The following HERC3 variants were observed in gnomAD, a reference collection of about 807,000 sequenced individuals.
The protein encoded by HERC3 is probable E3 ubiquitin-protein ligase HERC3.
HERC3 carries 58 observed loss-of-function variants against 129.9 expected under a neutral mutation model. The ratio of observed to expected loss-of-function variants is 0.45; its 90% CI spans 0.36 to 0.56. HERC3 has a LOEUF of 0.56. Ranked by LOEUF, HERC3 falls within the 20% of genes least tolerant of loss-of-function variation. The pLI, the probability that HERC3 is intolerant of heterozygous loss-of-function variation, is 0.00. For synonymous variants in HERC3, 430 were observed against 451.0 expected (o/e 0.95, Z 0.59); for missense variants, 835 against 1,244.2 (o/e 0.67, Z 4.95).
At chr4:88,681,922 A>G (rs1047757851) in intron 21 of HERC3, among the ~76,000 whole-genome samples, 1 of 152,228 alleles carries the variant, frequency 6.6e-6, no homozygotes, top group Non-Finnish European at 1.5e-5. Flanking sequence ...TCTTCTATCA[A>G]AATGTAATTT....
chr4:88,640,661 A>G (rs1297152025), intron 3 of HERC3, among the ~76,000 whole-genome samples: 1 of 151,898 alleles, frequency 6.6e-6, no homozygotes, highest in East Asian at 2.0e-4. Context: ...GGTGCAGCAA[A>G]CCACCATGGC....
At chr4:88,702,442 A>G (rs1411066904) in intron 23 of HERC3, among the ~76,000 whole-genome samples, 1 of 152,238 alleles carries the variant, frequency 6.6e-6, no homozygotes, top group Non-Finnish European at 1.5e-5. Flanking sequence ...GCATTGTTTT[A>G]AGTGTTAAAA....
intron 23 of HERC3, 137 bp from the exon 24 acceptor site, chr4:88,703,961 G>A (rs1407984371): frequency 1.3e-6 from 1 of 742,380 alleles, no homozygotes; most frequent in Non-Finnish European, 2.3e-6. Flanking sequence ...TAACCTATAT[G>A]ATGCCTTAGG....
chr4:88,525,250 G>A, the HERC3 span, among the ~76,000 whole-genome samples: 2 of 152,270 alleles, frequency 1.3e-5, no homozygotes, highest in East Asian at 3.9e-4. Flanking sequence ...AGAGAATAGG[G>A]CAGTTATCGG....
At chr4:88,587,636 T>A (rs1403906850), upstream of HERC3, among the ~76,000 whole-genome samples, 1 of 152,246 alleles carries the variant, frequency 6.6e-6, no homozygotes, top group Non-Finnish European at 1.5e-5. Flanking sequence ...TTCTAGGAAA[T>A]AACAAAATTC....
intron 14 of HERC3, among the ~76,000 whole-genome samples, 186 bp downstream of exon 14, chr4:88,668,267 A>G (rs536057781): frequency 3.3e-5 from 5 of 152,282 alleles, no homozygotes; most frequent in African/African-American, 1.2e-4. Flanking sequence ...AAATAAAACC[A>G]TTATTTAGAT....
rs1212220157 is a variant in HERC3, at chr4:88,707,112, G to T, written c.*152G>T. 2 of 664,762 alleles carry T rather than the reference G, an allele frequency of 3.0e-6. No individual in the cohort carries two copies. Among genetic ancestry groups the T allele is most frequent in the Admixed American group, 2.9e-5 (1 of 34,134 alleles). The allele number at this position is 664,762 out of a possible 1,614,324, so 41.2% of individuals were successfully genotyped here. A position where few individuals can be genotyped will look rare whatever the true frequency, so the allele number is the denominator to read the frequency against. On this transcript the variant is annotated 3_prime_UTR_variant, in exon 26 of 26. Coordinates refer to ENST00000402738, the MANE Select transcript of HERC3 (RefSeq NM_014606.3). ...GCCTGGTTGATGTGTTTCTGGGATT[G>T]TATAGCAGTAAACAACCTTTTTGAA...
At chr4:88,536,811 A>G in the HERC3 span, among the ~76,000 whole-genome samples, 1 of 152,114 alleles carries the variant, frequency 6.6e-6, no homozygotes, top group Non-Finnish European at 1.5e-5. Flanking sequence ...CTCTTTCCCA[A>G]TCTGATTATA....
At chr4:88,598,276 T>G (rs1158739028) in intron 2 of HERC3, among the ~76,000 whole-genome samples, 1 of 152,226 alleles carries the variant, frequency 6.6e-6, no homozygotes, top group East Asian at 1.9e-4. Context: ...AGGTTGTCGT[T>G]TAGCATTCAA....
the HERC3 span, among the ~76,000 whole-genome samples, chr4:88,560,236 G>T: frequency 6.6e-6 from 1 of 151,986 alleles, no homozygotes; most frequent in Non-Finnish European, 1.5e-5. Context: ...CTGGGATTAC[G>T]GGCATGAGCC....
In HERC3 at chr4:88,699,556, C is replaced by T. The variant is rs549709758; in HGVS notation, c.2658-4542C>T. Among the ~76,000 whole-genome samples, 4 of 150,934 alleles carry T rather than the reference C, an allele frequency of 2.7e-5. No individual in the cohort carries two copies. In the South Asian group the frequency reaches 8.4e-4, roughly 32 times the overall value. On this transcript the variant is annotated intron_variant, in intron 23 of 25. Coordinates refer to ENST00000402738, the MANE Select transcript of HERC3 (RefSeq NM_014606.3). ...TGCCTTGAGATTAGGAATGATGTTTCTCATTTTACAGATAGTAAACTTAGA... is the reference window on the plus strand; with the variant it reads ...TGCCTTGAGATTAGGAATGATGTTTTTCATTTTACAGATAGTAAACTTAGA...
chr4:88,681,870 A>G (rs1399168199), intron 21 of HERC3, among the ~76,000 whole-genome samples: 1 of 152,208 alleles, frequency 6.6e-6, no homozygotes. Context: ...ATTATTGTAA[A>G]CTATGGTCAT....
At chr4:88,538,310 C>A in the HERC3 span, among the ~76,000 whole-genome samples, 1 of 152,150 alleles carries the variant, frequency 6.6e-6, no homozygotes, top group Admixed American at 6.5e-5. Context: ...ACACTGTACA[C>A]CATGGAGTAT....
Position 88,697,055 on chromosome 4 carries a change from C to G in HERC3, c.2658-7043C>G, listed in dbSNP as rs947561960. 13 of 706,856 alleles carry G rather than the reference C, an allele frequency of 1.8e-5. No individual in the cohort carries two copies. The African/African-American group carries it at 2.2e-4, about 12-fold the overall frequency. 43.8% of individuals were successfully genotyped at this position (706,856 alleles called of 1,614,324 possible). A position where few individuals can be genotyped will look rare whatever the true frequency, so the allele number is the denominator to read the frequency against. On this transcript the variant is annotated intron_variant, in intron 23 of 25. Coordinates refer to ENST00000402738, the MANE Select transcript of HERC3 (RefSeq NM_014606.3). Reference sequence around the variant, plus strand: ...AATCGAGCTGGCCAGGATCTAATTGCTTTAATTTAATCTATTTTAGGAATG... The same window carrying G: ...AATCGAGCTGGCCAGGATCTAATTGGTTTAATTTAATCTATTTTAGGAATG...
rs115593777 is a variant in HERC3 at position 88,691,051 on chromosome 4, T to A, written c.2657+3752T>A. On this transcript the variant is annotated intron_variant, in intron 23 of 25. Coordinates refer to ENST00000402738, the MANE Select transcript of HERC3 (RefSeq NM_014606.3). ...AGGACAGATATGGGATAGAGCTAAG[T>A]TTGGAAGCCTACTAAGATTTGGATA... is the stretch of plus-strand genomic sequence containing the variant. 4.2e-3 allele frequency among the ~76,000 whole-genome samples: 642 copies of A among 152,134 alleles called. 6 individuals carry two copies. Among genetic ancestry groups the A allele is most frequent in the African/African-American group, 0.015 (627 of 41,446 alleles).
At chr4:88,591,494 C>T (rs1296439768), upstream of HERC3, among the ~76,000 whole-genome samples, 1 of 152,164 alleles carries the variant, frequency 6.6e-6, no homozygotes, top group Non-Finnish European at 1.5e-5. Flanking sequence ...CTCAAAGGGC[C>T]TTCCTGCTTC....
At chr4:88,584,782 T>C in the HERC3 span, among the ~76,000 whole-genome samples, 1 of 152,222 alleles carries the variant, frequency 6.6e-6, no homozygotes, top group African/African-American at 2.4e-5. Flanking sequence ...TAAGTTTCTG[T>C]TCATTATAAA....
the HERC3 span, among the ~76,000 whole-genome samples, chr4:88,570,652 A>G: frequency 6.6e-6 from 1 of 152,108 alleles, no homozygotes; most frequent in Non-Finnish European, 1.5e-5. Flanking sequence ...ATGTTAGTTA[A>G]TATTTTATTG....
At chr4:88,634,338 G>A (rs985745291) in intron 3 of HERC3, among the ~76,000 whole-genome samples, 1 of 152,216 alleles carries the variant, frequency 6.6e-6, no homozygotes, top group Non-Finnish European at 1.5e-5. Flanking sequence ...ATCCCCAGGG[G>A]AAGGGGCAGC....
Sources: gnomAD v4.1 joint callset for allele counts (sites outside exome capture counted in the v4.1 genomes callset) on GRCh38, gnomAD v4.1.1 for gene constraint, MANE v1.5 for transcripts, NCBI Gene and HGNC (gene_info 2026-07-23, HGNC 2026-07-21) for gene names.